Variants in EFR3B observed in about 807,000 individuals in gnomAD.
EFR3B encodes the protein protein EFR3 homolog B.
Under a neutral mutation model 104.7 loss-of-function variants are expected in EFR3B, and 64 were observed. The observed-to-expected ratio is 0.61, with a 90% CI of 0.50 to 0.75. The LOEUF is 0.75. Among genes scored for constraint, EFR3B ranks in the 30% least tolerant of loss-of-function variants. The pLI, the probability that EFR3B is intolerant of heterozygous loss-of-function variation, is 0.00. For synonymous variants in EFR3B, 385 were observed against 417.9 expected (o/e 0.92, Z 0.96); for missense variants, 750 against 1,078.5 (o/e 0.70, Z 4.27).
chr2:25,065,007 G>A (rs951570298), intron 1 of EFR3B, among the ~76,000 whole-genome samples: 1 of 152,050 alleles, frequency 6.6e-6, no homozygotes, highest in Non-Finnish European at 1.5e-5. Context: ...CCTAGCCCAG[G>A]GTCACTGGTT....
chr2:25,086,392 G>C (rs542488248), intron 1 of EFR3B, among the ~76,000 whole-genome samples: 1 of 152,208 alleles, frequency 6.6e-6, no homozygotes, highest in African/African-American at 2.4e-5. Context: ...CAATGAATGA[G>C]GGTTCTTGCT....
chr2:25,069,929 C>T (rs1207990600), intron 1 of EFR3B, among the ~76,000 whole-genome samples: 1 of 152,188 alleles, frequency 6.6e-6, no homozygotes, highest in Non-Finnish European at 1.5e-5. Context: ...AATCTCCTGA[C>T]CTCGTGATCT....
intron 1 of EFR3B, among the ~76,000 whole-genome samples, chr2:25,066,392 C>T (rs1034301910): frequency 4.6e-5 from 7 of 152,052 alleles, no homozygotes; most frequent in Non-Finnish European, 7.3e-5. Flanking sequence ...CTTTCACCTT[C>T]GGTCCCCTCC....
chr2:25,081,538 C>T (rs1668806792), intron 1 of EFR3B: 2 of 1,065,816 alleles, frequency 1.9e-6, no homozygotes, highest in Admixed American at 1.7e-5. Context: ...TGAGAGATTC[C>T]TGTGCTATTG....
intron 3 of EFR3B, among the ~76,000 whole-genome samples, chr2:25,095,576 G>T: frequency 6.6e-6 from 1 of 151,996 alleles, no homozygotes; most frequent in East Asian, 1.9e-4. Flanking sequence ...TGCACCTATA[G>T]TCCCAGCTAC....
At chr2:25,108,375 A>G (rs1486367352) in intron 4 of EFR3B, among the ~76,000 whole-genome samples, 1 of 152,214 alleles carries the variant, frequency 6.6e-6, no homozygotes, top group Non-Finnish European at 1.5e-5. Flanking sequence ...AAGGGCACTT[A>G]CTAATGATAA....
intron 2 of EFR3B, 89 bp from the exon 3 acceptor site, chr2:25,092,914 T>G: frequency 6.8e-7 from 1 of 1,471,360 alleles, no homozygotes; most frequent in South Asian, 1.3e-5. Flanking sequence ...CTGTAAATGT[T>G]GATTCCGTCG....
At chr2:25,072,984 G>A (rs563530717) in intron 1 of EFR3B, among the ~76,000 whole-genome samples, 49 of 152,304 alleles carry the variant, frequency 3.2e-4, no homozygotes, top group African/African-American at 1.1e-3. Flanking sequence ...ACTCTTTCCA[G>A]CATTGTTTTA....
rs1671198888 is a variant in EFR3B at position 25,157,227 on chromosome 2, T to C, written c.*2887T>C. 6.6e-6 allele frequency: 1 copy of C among 152,238 alleles called. No homozygotes were observed. The highest frequency in any genetic ancestry group is 1.5e-5 in the Non-Finnish European group (1 of 68,044). 9.4% of individuals were successfully genotyped at this position (152,238 alleles called of 1,614,324 possible). The stretch of plus-strand genomic sequence containing the variant: ...TGGTCATTTTTTTTGAGTGCCCTCT[T>C]CTCAGTTTTGTTTAAACTTACACTC... On this transcript the variant is annotated 3_prime_UTR_variant, in exon 23 of 23. Transcript: ENST00000403714.
At chr2:25,115,671 C>T (rs1465309800) in intron 4 of EFR3B, among the ~76,000 whole-genome samples, 1 of 152,066 alleles carries the variant, frequency 6.6e-6, no homozygotes, top group Non-Finnish European at 1.5e-5. Flanking sequence ...TTGGATTTTC[C>T]AGGTGGGTCT....
chr2:25,090,335 C>T (rs1273588688), intron 1 of EFR3B, among the ~76,000 whole-genome samples: 1 of 152,240 alleles, frequency 6.6e-6, no homozygotes, highest in African/African-American at 2.4e-5. Flanking sequence ...TGGAAGTTGA[C>T]TGAAGAAGTG....
chr2:25,151,398 G>A (rs1360283425), intron 20 of EFR3B, among the ~76,000 whole-genome samples: 1 of 152,064 alleles, frequency 6.6e-6, no homozygotes, highest in Admixed American at 6.6e-5. Flanking sequence ...TGAGACTACA[G>A]GCATATGCCA....
chr2:25,119,035 G>A (rs1669944085), intron 4 of EFR3B, among the ~76,000 whole-genome samples: 1 of 152,146 alleles, frequency 6.6e-6, no homozygotes, highest in Non-Finnish European at 1.5e-5. Context: ...TGGGGACAAA[G>A]TCTGTGTTTG....
At chr2:25,118,216 A>G (rs955661994) in intron 4 of EFR3B, among the ~76,000 whole-genome samples, 15 of 152,056 alleles carry the variant, frequency 9.9e-5, no homozygotes, top group African/African-American at 3.4e-4. Flanking sequence ...CCTGACCTCA[A>G]GTGATCTGCC....
intron 16 of EFR3B, 103 bp from the exon 17 acceptor site, chr2:25,141,263 T>G: frequency 2.4e-6 from 3 of 1,230,282 alleles, no homozygotes; most frequent in South Asian, 1.5e-5. Flanking sequence ...GAGGAGGCTG[T>G]GGGAGGGAGG....
chr2:25,069,538 C>T (rs1025959691), intron 1 of EFR3B, among the ~76,000 whole-genome samples: 14 of 152,330 alleles, frequency 9.2e-5, no homozygotes, highest in East Asian at 3.9e-4. Context: ...ACAGCTCCAG[C>T]GGTGTTCCAG....
At chr2:25,056,782 C>G (rs554941388) in intron 1 of EFR3B, among the ~76,000 whole-genome samples, 35 of 152,296 alleles carry the variant, frequency 2.3e-4, no homozygotes, top group Admixed American at 1.4e-3. Flanking sequence ...TCCTCTCCCC[C>G]AGACAGCACT....
intron 1 of EFR3B, among the ~76,000 whole-genome samples, chr2:25,071,367 T>C (rs1432662422): frequency 6.6e-6 from 1 of 151,810 alleles, no homozygotes; most frequent in East Asian, 1.9e-4. Context: ...TTCAAGCGAT[T>C]CTCCTGCCTC....
intron 19 of EFR3B, chr2:25,145,708 G>A (rs1670794749): frequency 6.6e-6 from 1 of 152,222 alleles, no homozygotes; most frequent in Non-Finnish European, 1.5e-5. Flanking sequence ...GCTTCCGTAT[G>A]TATCAATAAA....
Sources: allele counts gnomAD v4.1 joint callset (sites outside exome capture counted in the v4.1 genomes callset), GRCh38; gene constraint gnomAD v4.1.1; transcripts MANE v1.5; gene names NCBI Gene and HGNC (gene_info 2026-07-23, HGNC 2026-07-21).